The following TRPA1 variants were observed in gnomAD, a reference collection of about 807,000 sequenced individuals.
The protein encoded by TRPA1 is transient receptor potential cation channel subfamily A member 1.
TRPA1 carries 129 observed loss-of-function variants against 131.3 expected under a neutral mutation model. The observed-to-expected ratio is 0.98, with a 90% confidence interval of 0.85 to 1.14. The LOEUF is 1.14. Ranked by LOEUF, TRPA1 falls within the 50% of genes most tolerant of loss-of-function variation. The probability of loss-of-function intolerance (pLI) is 0.00; values close to 1 mark genes in which losing one functional copy is unlikely to be tolerated. For synonymous variants in TRPA1, 441 were observed against 451.7 expected, an observed-to-expected ratio of 0.98 and a Z score of 0.30; for missense variants, 1,304 against 1,354.2, an observed-to-expected ratio of 0.96 and a Z score of 0.58.
chr8:72,076,539 C>T (rs542464216), upstream of TRPA1: 3 of 152,442 alleles, frequency 2.0e-5, no homozygotes, highest in East Asian at 5.8e-4. Flanking sequence ...TCCTGAAGGC[C>T]CTGGATTGTC....
chr8:72,025,299 G>A (rs1189460406), intron 25 of TRPA1, among the ~76,000 whole-genome samples: 1 of 152,038 alleles, frequency 6.6e-6, no homozygotes, highest in African/African-American at 2.4e-5. Context: ...CATGAGATCC[G>A]GTGGTTTTAT....
chr8:72,046,319 T>C (rs1314404909), intron 17 of TRPA1, among the ~76,000 whole-genome samples, 194 bp downstream of exon 17: 1 of 152,036 alleles, frequency 6.6e-6, no homozygotes, highest in Non-Finnish European at 1.5e-5. Flanking sequence ...TATTAAAACA[T>C]TTTAGACTAT....
At chr8:72,033,898 A>G (rs1811931986) in intron 22 of TRPA1, 72 bp from the exon 23 acceptor site, 1 of 1,427,036 alleles carries the variant, frequency 7.0e-7, no homozygotes, top group Non-Finnish European at 9.8e-7. Context: ...TGGAGGTAGA[A>G]TGATAAAAAC....
chr8:72,076,953 T>A (rs575866737), upstream of TRPA1, among the ~76,000 whole-genome samples: 1 of 152,094 alleles, frequency 6.6e-6, no homozygotes, highest in Non-Finnish European at 1.5e-5. Flanking sequence ...AAGGAGGTAA[T>A]GCATTTGGAG....
At chr8:72,040,495 C>T (rs1563388368) in intron 17 of TRPA1, among the ~76,000 whole-genome samples, 1 of 152,086 alleles carries the variant, frequency 6.6e-6, no homozygotes, top group Non-Finnish European at 1.5e-5. Flanking sequence ...TTACATGCCA[C>T]AGATCCTCCG....
At chr8:72,024,850 T>G (rs1433645276) in intron 25 of TRPA1, among the ~76,000 whole-genome samples, 1 of 152,134 alleles carries the variant, frequency 6.6e-6, no homozygotes, top group Non-Finnish European at 1.5e-5. Flanking sequence ...GGAGAGATAC[T>G]GTGGCGTTAG....
At chr8:72,088,637 T>G in the TRPA1 span, among the ~76,000 whole-genome samples, 14 of 152,290 alleles carry the variant, frequency 9.2e-5, no homozygotes, top group South Asian at 2.9e-3. Context: ...AAGCTGTGTC[T>G]TTAGTTTGGT....
At chr8:72,053,903 T>C in intron 12 of TRPA1, 36 bp from the exon 13 acceptor site, 4 of 1,508,204 alleles carry the variant, frequency 2.7e-6, no homozygotes, top group Non-Finnish European at 3.7e-6. Context: ...GTGCATACAC[T>C]TAACAGATGA....
At chr8:72,053,572 T>G (rs1805582525) in intron 13 of TRPA1, 181 bp downstream of exon 13, 1 of 630,306 alleles carries the variant, frequency 1.6e-6, no homozygotes, top group Admixed American at 2.2e-5. Context: ...CCCCTTGGTA[T>G]TCTCCCAATT....
the TRPA1 span, among the ~76,000 whole-genome samples, chr8:72,085,408 A>G: frequency 7.3e-5 from 11 of 151,062 alleles, 1 homozygote; most frequent in South Asian, 1.3e-3. Context: ...ATAATCAGTT[A>G]TTTATTTATA....
chr8:72,057,946 T>C, intron 8 of TRPA1, 130 bp from the exon 9 acceptor site: 2 of 690,260 alleles, frequency 2.9e-6, no homozygotes, highest in African/African-American at 1.8e-5. Context: ...ACCATACGAC[T>C]AGTTATAGAA....
upstream of TRPA1, among the ~76,000 whole-genome samples, chr8:72,077,570 T>C (rs560709380): frequency 5.0e-4 from 76 of 152,386 alleles, no homozygotes; most frequent in African/African-American, 1.8e-3. Context: ...TAAAAGATAG[T>C]TTAATTTTTA....
intron 2 of TRPA1, among the ~76,000 whole-genome samples, chr8:72,071,176 C>T (rs1005757485): frequency 3.3e-5 from 5 of 152,258 alleles, no homozygotes; most frequent in East Asian, 1.9e-4. Flanking sequence ...GCTTCCACTT[C>T]TAATCCATCT....
chr8:72,084,453 C>G, the TRPA1 span, among the ~76,000 whole-genome samples: 2 of 150,982 alleles, frequency 1.3e-5, no homozygotes, highest in Non-Finnish European at 2.9e-5. Flanking sequence ...TTTAAGGAAA[C>G]AACTTTTGGT....
At position 72,050,772 on chromosome 8, in the gene TRPA1, A is replaced by G; in HGVS notation, c.1905+6T>C. 3 of 1,594,926 alleles carry G rather than the reference A, an allele frequency of 1.9e-6. No homozygotes were observed. Among genetic ancestry groups the G allele is most frequent in the Non-Finnish European group, 2.6e-6 (3 of 1,164,074 alleles). On this transcript the variant is annotated splice_donor_region_variant and intron_variant, in intron 15 of 26. Transcript: ENST00000262209. The stretch of plus-strand genomic sequence containing the variant: ...CCCGGGAAGAATTTTGTTTTAGAGA[A>G]TTTACCTTCATGCATTCAGGGAGGT...
intron 14 of TRPA1, 104 bp downstream of exon 14, chr8:72,052,495 G>T: frequency 6.9e-7 from 1 of 1,451,856 alleles, no homozygotes; most frequent in Non-Finnish European, 9.6e-7. Flanking sequence ...TTTAAATTTT[G>T]ATTAATGGCT....
intron 2 of TRPA1, 64 bp from the exon 3 acceptor site, chr8:72,069,262 G>A (rs1806001896): frequency 6.6e-7 from 1 of 1,519,108 alleles, no homozygotes; most frequent in South Asian, 1.1e-5. Context: ...CCTCCTGAGT[G>A]CCTATACACT....
chr8:72,071,808 T>G lies in TRPA1; in HGVS notation c.171A>C (p.Lys57Asn). The G allele has an allele frequency of 2.5e-6, 4 of 1,613,148 alleles. No individual in the cohort carries two copies. The highest frequency in any genetic ancestry group is 3.4e-6 in the Non-Finnish European group (4 of 1,179,822). The change falls in exon 2 of 27, where the codon AAA becomes AAC. Residue 57 changes from lysine to asparagine, a missense_variant. Coordinates refer to ENST00000262209, the MANE Select transcript of TRPA1 (RefSeq NM_007332.3). Reference protein sequence around the residue: ...LQNFNKQKKLKRCDDMDTFFL... With the variant: ...LQNFNKQKKLNRCDDMDTFFL... ...AGAAGGTGTCCATATCGTCACATCT[T>G]TTTAATTTCTTTTGCTTATTAAAGT...
chr8:72,062,413 A>G (rs1336457355), intron 6 of TRPA1: 2 of 207,436 alleles, frequency 9.6e-6, no homozygotes, highest in Non-Finnish European at 9.7e-6. Context: ...ATTCTTAGAA[A>G]TTAGTTAAGT....
Sources: allele counts gnomAD v4.1 joint callset (sites outside exome capture counted in the v4.1 genomes callset), GRCh38; gene constraint gnomAD v4.1.1; transcripts MANE v1.5; gene names NCBI Gene and HGNC (gene_info 2026-07-23, HGNC 2026-07-21).